Variants in AMZ1 observed in about 807,000 individuals in gnomAD.
AMZ1 encodes the protein archaemetzincin-1.
In AMZ1, 39 loss-of-function variants were observed where a neutral mutation model predicts 29.9. The observed-to-expected ratio is 1.30, with a 90% CI of 1.01 to 1.70. The LOEUF (loss-of-function observed/expected upper bound fraction) is 1.70. AMZ1 is among the 40% of genes most tolerant of loss of function. AMZ1 has a pLI of 0.00. For synonymous variants in AMZ1, 458 were observed against 304.0 expected, an observed-to-expected ratio of 1.51 and a Z score of -5.27; for missense variants, 1,041 against 680.6, an observed-to-expected ratio of 1.53 and a Z score of -5.89.
At chr7:2,699,879 TTGGGGGCCCTTGCCCTTCTG>T (rs982167228) in intron 1 of AMZ1, among the ~76,000 whole-genome samples, 1 of 152,164 alleles carries the variant, frequency 6.6e-6, no homozygotes, top group African/African-American at 2.4e-5. Flanking sequence ...AAGAATGGCC[TTGGGGGCCCTTGCCCTTCTG>T]TGGGGGCCCA....
intron 4 of AMZ1, among the ~76,000 whole-genome samples, chr7:2,751,174 G>A (rs1326085718): frequency 6.6e-6 from 1 of 152,038 alleles, no homozygotes; most frequent in Non-Finnish European, 1.5e-5. Context: ...GACTGGTTGA[G>A]GTCAGGAGTT....
At chr7:2,690,865 G>A (rs1016181276) in intron 1 of AMZ1, among the ~76,000 whole-genome samples, 6 of 152,142 alleles carry the variant, frequency 3.9e-5, no homozygotes, top group African/African-American at 1.4e-4. Flanking sequence ...TCTCAGCCGG[G>A]TGTGGTGGCT....
At chr7:2,735,096 AGCCGTTGGGT>A (rs1336091842) in intron 4 of AMZ1, among the ~76,000 whole-genome samples, 3 of 137,302 alleles carry the variant, frequency 2.2e-5, no homozygotes, top group Admixed American at 7.6e-5. Context: ...AGCTGGGAGA[AGCCGTTGGGT>A]GCACTCACTC....
chr7:2,704,287 G>T (rs890028070), intron 3 of AMZ1, among the ~76,000 whole-genome samples: 1 of 152,300 alleles, frequency 6.6e-6, no homozygotes, highest in South Asian at 2.1e-4. Flanking sequence ...AGGATAGCTT[G>T]ACAGCAGGTG....
At chr7:2,684,227 G>A (rs1786989042), upstream of AMZ1, among the ~76,000 whole-genome samples, 2 of 152,098 alleles carry the variant, frequency 1.3e-5, no homozygotes, top group Admixed American at 6.5e-5. Flanking sequence ...CCTCCAATGA[G>A]GAACCTCTTT....
rs1263287933 is a variant in AMZ1 at position 2,731,996 on chromosome 7, G to A, written n.550+22180G>A. 6.6e-6 allele frequency among the ~76,000 whole-genome samples: 1 copy of A among 152,178 alleles called. No homozygotes were observed. Among genetic ancestry groups the A allele is most frequent in the Admixed American group, 6.5e-5 (1 of 15,270 alleles). On this transcript the variant is annotated intron_variant and non_coding_transcript_variant, in intron 4 of 4. Transcript: ENST00000489665. The surrounding 1 kb of genome is among the most constrained non-coding windows in gnomAD (Gnocchi z 6.0). ...AGGACGAATGCTCAGAACACTCGTG[G>A]GCAGGCCCAGCGCAAAACCACATCC...
rs920311156 is a variant in AMZ1 at position 2,716,221 on chromosome 7, T to C, written c.*3343T>C. ...GCTATGATGAAGGGGTGAGAAGCAG[T>C]GTCCCCTCTGAGGCAAATCTCTCTT... is the stretch of plus-strand genomic sequence containing the variant. On this transcript the variant is annotated 3_prime_UTR_variant, in exon 7 of 7. Coordinates refer to ENST00000683327, the MANE Select transcript of AMZ1 (RefSeq NM_001384743.1). 6.6e-6 allele frequency: 1 copy of C among 152,250 alleles called. No individual in the cohort carries two copies. Among genetic ancestry groups the C allele is most frequent in the Non-Finnish European group, 1.5e-5 (1 of 68,066 alleles). 9.4% of individuals were successfully genotyped at this position (152,250 alleles called of 1,614,324 possible).
At chr7:2,747,472 C>A (rs1583229473) in intron 4 of AMZ1, among the ~76,000 whole-genome samples, 1 of 152,176 alleles carries the variant, frequency 6.6e-6, no homozygotes. Context: ...AATTCAACAA[C>A]CTTCATGCTA....
intron 4 of AMZ1, among the ~76,000 whole-genome samples, chr7:2,726,791 A>C (rs999356716): frequency 2.6e-5 from 4 of 152,162 alleles, no homozygotes; most frequent in African/African-American, 9.7e-5. Flanking sequence ...TGAGCATGAG[A>C]GCTCTGGTCA....
chr7:2,691,909 T>C (rs548782962), intron 1 of AMZ1, among the ~76,000 whole-genome samples: 1 of 152,036 alleles, frequency 6.6e-6, no homozygotes, highest in South Asian at 2.1e-4. Context: ...CCTGGGCTGC[T>C]CCAGAGAAAT....
At chr7:2,691,464 C>T (rs535352574) in intron 1 of AMZ1, among the ~76,000 whole-genome samples, 1 of 148,700 alleles carries the variant, frequency 6.7e-6, no homozygotes, top group Admixed American at 6.6e-5. Context: ...GATTTTGGGC[C>T]GGGCGCGGTG....
At chr7:2,711,302 G>T (rs1788760667) in intron 6 of AMZ1, among the ~76,000 whole-genome samples, 1 of 152,200 alleles carries the variant, frequency 6.6e-6, no homozygotes, top group Admixed American at 6.5e-5. Context: ...GGCCTGGCCA[G>T]AAAAGGTCAC....
Position 2,744,061 on chromosome 7 carries a change from C to G in AMZ1, n.551-20651C>G, listed in dbSNP as rs1280834930. Among the ~76,000 whole-genome samples the G allele has an allele frequency of 2.0e-5, 3 of 152,238 alleles. No homozygotes were observed. The East Asian group carries it at 5.8e-4, about 29-fold the overall frequency. ...TGGAGCCCACCACAGCTCAAGGAGGCCTGCCTGCCTCTGTAGGTTCCCCCT... is the reference window on the plus strand; with the variant it reads ...TGGAGCCCACCACAGCTCAAGGAGGGCTGCCTGCCTCTGTAGGTTCCCCCT... On this transcript the variant is annotated intron_variant and non_coding_transcript_variant, in intron 4 of 4. Transcript: ENST00000489665.
At chr7:2,680,459 C>G (rs558258352) in intron 1 of AMZ1, among the ~76,000 whole-genome samples, 93 of 152,298 alleles carry the variant, frequency 6.1e-4, no homozygotes, top group African/African-American at 2.2e-3. Context: ...TGCAGCCGCC[C>G]TGGGCCGCGA....
At chr7:2,709,284 G>A (rs1270689067) in intron 5 of AMZ1, 40 bp downstream of exon 5, 3 of 1,471,484 alleles carry the variant, frequency 2.0e-6, no homozygotes, top group Non-Finnish European at 1.8e-6. Context: ...GGGACAGGAG[G>A]GTGCTGTCTG....
rs761907613 is a variant in AMZ1, at chr7:2,712,449, T to C, written c.1068T>C (p.Ser356=). 6.2e-7 allele frequency: 1 copy of C among 1,611,472 alleles called. No homozygotes were observed. Among genetic ancestry groups the C allele is most frequent in the South Asian group, 1.1e-5 (1 of 91,026 alleles). Residue 356 remains serine, a synonymous_variant, in exon 7 of 7, where the codon AGT becomes AGC. Transcript: ENST00000683327. ...ASADSGMCCE[S]DSEPGTSVSE... is the part of the protein sequence containing the mutation. ...CCGACTCGGGCATGTGCTGTGAGAG[T>C]GACTCGGAGCCCGGCACCAGTGTGT...
At chr7:2,740,392 C>T (rs1041364985) in intron 4 of AMZ1, among the ~76,000 whole-genome samples, 6 of 152,256 alleles carry the variant, frequency 3.9e-5, no homozygotes, top group South Asian at 2.1e-4. Flanking sequence ...CCTCTCACTC[C>T]GTCCTATGTG....
At chr7:2,698,712 T>C (rs1004065252) in intron 1 of AMZ1, among the ~76,000 whole-genome samples, 1 of 152,040 alleles carries the variant, frequency 6.6e-6, no homozygotes, top group South Asian at 2.1e-4. Flanking sequence ...GTACACACTT[T>C]GTATTCCCAG....
Position 2,712,890 on chromosome 7 carries a change from C to A in AMZ1, c.*12C>A, listed in dbSNP as rs771351287. ...GGGAAGAGAGTTAGTACAGCAGGGG[C>A]TGCCCTACGTCTCCTTCCCTAAGGA... On this transcript the variant is annotated 3_prime_UTR_variant, in exon 7 of 7. Transcript: ENST00000683327. The A allele has an allele frequency of 6.6e-7, 1 of 1,511,248 alleles. No individual in the cohort carries two copies. The highest frequency in any genetic ancestry group is 2.3e-5 in the East Asian group (1 of 43,644). The allele number at this position is 1,511,248 out of a possible 1,614,324, so 93.6% of individuals were successfully genotyped here. A position where few individuals can be genotyped will look rare whatever the true frequency, so the allele number is the denominator to read the frequency against.
Sources: allele counts gnomAD v4.1 joint callset (sites outside exome capture counted in the v4.1 genomes callset), GRCh38; gene constraint gnomAD v4.1.1; non-coding constraint Gnocchi (gnomAD v3.1); transcripts MANE v1.5; gene names NCBI Gene and HGNC (gene_info 2026-07-23, HGNC 2026-07-21).